GRM5: variants seen among roughly 807,000 people sequenced by gnomAD.
GRM5 encodes the protein metabotropic glutamate receptor 5.
In GRM5, 19 loss-of-function variants were observed where a neutral mutation model predicts 83.1. That is an observed-to-expected ratio of 0.23 (90% CI 0.16 to 0.34). The LOEUF is 0.34. Ranked by LOEUF, GRM5 falls within the 10% of genes least tolerant of loss-of-function variation. GRM5 has a pLI of 1.00. For synonymous variants in GRM5, 675 were observed against 633.6 expected (o/e 1.07, Z -0.98); for missense variants, 1,160 against 1,588.3 (o/e 0.73, Z 4.58).
chr11:88,736,285 A>G (rs1050950175), intron 3 of GRM5, among the ~76,000 whole-genome samples: 1 of 152,110 alleles, frequency 6.6e-6, no homozygotes, highest in African/African-American at 2.4e-5. Flanking sequence ...ATTTTTGGAT[A>G]CAGAAACTGA....
At chr11:88,988,229 C>A (rs1939807695) in intron 2 of GRM5, among the ~76,000 whole-genome samples, 1 of 151,974 alleles carries the variant, frequency 6.6e-6, no homozygotes, top group Non-Finnish European at 1.5e-5. Flanking sequence ...GCCTCAGTAG[C>A]CGATGCAATC....
At chr11:88,836,342 G>C (rs1229962492) in intron 3 of GRM5, among the ~76,000 whole-genome samples, 1 of 152,064 alleles carries the variant, frequency 6.6e-6, no homozygotes, top group Non-Finnish European at 1.5e-5. Flanking sequence ...TCAGCTGATG[G>C]GCCTCAGTTA....
chr11:89,013,677 C>A (rs1031400032), intron 2 of GRM5, among the ~76,000 whole-genome samples: 2 of 152,202 alleles, frequency 1.3e-5, no homozygotes, highest in African/African-American at 2.4e-5. Flanking sequence ...AGCTATTTAT[C>A]TTCTCATGTC....
At chr11:88,960,066 A>G (rs1938736881) in intron 2 of GRM5, among the ~76,000 whole-genome samples, 2 of 152,200 alleles carry the variant, frequency 1.3e-5, no homozygotes, top group Non-Finnish European at 2.9e-5. Flanking sequence ...TTCTCAGCGG[A>G]GGAAACTGCA....
At chr11:89,060,287 C>G (rs71469236) in intron 1 of GRM5, among the ~76,000 whole-genome samples, 1 of 95,970 alleles carries the variant, frequency 1.0e-5, no homozygotes, top group Admixed American at 1.0e-4. Flanking sequence ...TATATATATA[C>G]ACACACACAC....
intron 2 of GRM5, among the ~76,000 whole-genome samples, chr11:89,031,663 AATG>A (rs1300966899): frequency 2.0e-5 from 3 of 152,024 alleles, no homozygotes; most frequent in African/African-American, 4.8e-5. Flanking sequence ...GATAATTAGA[AATG>A]ATGATAAAAT....
At chr11:88,810,427 A>G (rs1280991918) in intron 3 of GRM5, among the ~76,000 whole-genome samples, 1 of 152,158 alleles carries the variant, frequency 6.6e-6, no homozygotes, top group Non-Finnish European at 1.5e-5. Flanking sequence ...CTGTAGCTAC[A>G]CAAATATTAC....
At chr11:88,545,372 T>C (rs554221434) in intron 8 of GRM5, among the ~76,000 whole-genome samples, 1 of 152,266 alleles carries the variant, frequency 6.6e-6, no homozygotes, top group African/African-American at 2.4e-5. Flanking sequence ...AACACATATT[T>C]CTTCAAACCT....
rs1192818301 is a variant in GRM5 at position 88,570,482 on chromosome 11, A to T, written c.1691-2490T>A. On this transcript the variant is annotated intron_variant, in intron 7 of 9. Transcript: ENST00000305447. ...TCAACCTCTGATACTTTAGTATGCC[A>T]TAGAGTTTAGGCTTATATTTACAAA... Among the ~76,000 whole-genome samples the T allele has an allele frequency of 3.4e-5, 5 of 147,864 alleles. No homozygotes were observed. The East Asian group carries it at 5.9e-4, about 17-fold the overall frequency.
In GRM5 at chr11:88,910,912, G is replaced by T. The variant is rs1213291895; in HGVS notation, c.662-60757C>A. Among the ~76,000 whole-genome samples the T allele has an allele frequency of 2.6e-5, 4 of 151,822 alleles. No individual in the cohort carries two copies. The South Asian group carries it at 8.3e-4, about 32-fold the overall frequency. On this transcript the variant is annotated intron_variant, in intron 2 of 9. Coordinates refer to ENST00000305447, the MANE Select transcript of GRM5 (RefSeq NM_001143831.3). Reference sequence around the variant, plus strand: ...AAAATCCAAGAAATATTTTAAAATTGCTGGTCTCTATCCCTTTTCAGTAGC... The same window carrying T: ...AAAATCCAAGAAATATTTTAAAATTTCTGGTCTCTATCCCTTTTCAGTAGC...
At chr11:88,584,474 C>T (rs189473392) in intron 7 of GRM5, among the ~76,000 whole-genome samples, 83 of 152,134 alleles carry the variant, frequency 5.5e-4, no homozygotes, top group South Asian at 1.0e-3. Context: ...TGCTCTGTCA[C>T]CCGAGCTGGA....
chr11:88,638,319 A>T (rs192278996), intron 4 of GRM5, among the ~76,000 whole-genome samples: 250 of 152,254 alleles, frequency 1.6e-3, no homozygotes, highest in African/African-American at 5.7e-3. Context: ...AATAAAATTT[A>T]AAAAAAGGTA....
At chr11:89,064,814 A>G (rs1198851654) in intron 1 of GRM5, among the ~76,000 whole-genome samples, 1 of 148,414 alleles carries the variant, frequency 6.7e-6, no homozygotes, top group Non-Finnish European at 1.5e-5. Flanking sequence ...CTATTCAGGC[A>G]TATTCAGCTC....
intron 4 of GRM5, among the ~76,000 whole-genome samples, chr11:88,635,310 T>G (rs1939087603): frequency 6.6e-6 from 1 of 152,180 alleles, no homozygotes; most frequent in Non-Finnish European, 1.5e-5. Context: ...GGTTCCCTTT[T>G]CTCTACACCC....
intron 4 of GRM5, among the ~76,000 whole-genome samples, chr11:88,638,923 A>C (rs548553273): frequency 6.6e-6 from 1 of 151,928 alleles, no homozygotes; most frequent in South Asian, 2.1e-4. Flanking sequence ...AACAGGCTTT[A>C]ATTTTATTGA....
At chr11:88,988,711 T>C (rs1019997326) in intron 2 of GRM5, among the ~76,000 whole-genome samples, 1 of 151,400 alleles carries the variant, frequency 6.6e-6, no homozygotes, top group African/African-American at 2.4e-5. Context: ...ATACTCAACA[T>C]TCTTAAAGAA....
intron 3 of GRM5, among the ~76,000 whole-genome samples, chr11:88,717,423 T>A (rs1941422592): frequency 6.6e-6 from 1 of 151,904 alleles, no homozygotes; most frequent in Admixed American, 6.6e-5. Flanking sequence ...CATATTTTAT[T>A]TGAATTTCAT....
chr11:88,628,234 G>A (rs1938858866), intron 4 of GRM5, among the ~76,000 whole-genome samples: 1 of 152,136 alleles, frequency 6.6e-6, no homozygotes, highest in African/African-American at 2.4e-5. Flanking sequence ...TACTTATCAT[G>A]TGTAACCTTG....
intron 2 of GRM5, among the ~76,000 whole-genome samples, chr11:89,001,997 A>G (rs1940397100): frequency 1.3e-5 from 2 of 152,140 alleles, no homozygotes; most frequent in African/African-American, 4.8e-5. Context: ...TACATTTCTT[A>G]TATGTGAGCT....
Sources: allele counts gnomAD v4.1 joint callset (sites outside exome capture counted in the v4.1 genomes callset), GRCh38; gene constraint gnomAD v4.1.1; transcripts MANE v1.5; gene names NCBI Gene and HGNC (gene_info 2026-07-23, HGNC 2026-07-21).